The following PTPRD variants were observed in gnomAD, a reference collection of about 807,000 sequenced individuals.
PTPRD encodes protein tyrosine phosphatase receptor type D, also known as receptor-type tyrosine-protein phosphatase delta.
PTPRD carries 34 observed loss-of-function variants against 214.5 expected under a neutral mutation model. The observed-to-expected ratio is 0.16, with a 90% CI of 0.12 to 0.21. The LOEUF is 0.21. PTPRD is among the 10% of genes least tolerant of loss of function. The probability of loss-of-function intolerance (pLI) is 1.00; values close to 1 mark genes in which losing one functional copy is unlikely to be tolerated. For synonymous variants in PTPRD, 1,128 were observed against 845.7 expected, an observed-to-expected ratio of 1.33 and a Z score of -5.79; for missense variants, 2,545 against 2,398.7, an observed-to-expected ratio of 1.06 and a Z score of -1.27.
At chr9:9,400,706 A>G (rs1424150799) in intron 8 of PTPRD, among the ~76,000 whole-genome samples, 1 of 152,032 alleles carries the variant, frequency 6.6e-6, no homozygotes, top group African/African-American at 2.4e-5. Context: ...AAGATACTGT[A>G]AACAATTTTG....
chr9:9,546,461 G>A (rs905397553), intron 8 of PTPRD, among the ~76,000 whole-genome samples: 4 of 151,220 alleles, frequency 2.6e-5, no homozygotes, highest in Non-Finnish European at 5.9e-5. Flanking sequence ...TCTAATTAAT[G>A]CCATTATTTG....
chr9:8,717,428 C>T (rs996285528), intron 12 of PTPRD, among the ~76,000 whole-genome samples: 2 of 152,042 alleles, frequency 1.3e-5, no homozygotes, highest in African/African-American at 2.4e-5. Context: ...CTTTGGTATC[C>T]CATATTCAAA....
chr9:10,421,071 T>G (rs1178882197), intron 2 of PTPRD, among the ~76,000 whole-genome samples: 1 of 151,784 alleles, frequency 6.6e-6, no homozygotes, highest in Non-Finnish European at 1.5e-5. Context: ...CTGATTAGCT[T>G]AAAAAAAGAA....
At chr9:8,940,126 T>C (rs1429819593) in intron 11 of PTPRD, among the ~76,000 whole-genome samples, 4 of 151,308 alleles carry the variant, frequency 2.6e-5, no homozygotes, top group Admixed American at 2.6e-4. Flanking sequence ...CTGTAGAATG[T>C]CCTATATTTC....
intron 8 of PTPRD, among the ~76,000 whole-genome samples, chr9:9,541,479 T>C (rs1179735013): frequency 4.6e-5 from 7 of 151,918 alleles, no homozygotes; most frequent in African/African-American, 1.2e-4. Context: ...ACAAATATCA[T>C]GTAGAGCAGA....
At chr9:10,467,835 A>G (rs1219558432) in intron 2 of PTPRD, among the ~76,000 whole-genome samples, 1 of 152,146 alleles carries the variant, frequency 6.6e-6, no homozygotes, top group Non-Finnish European at 1.5e-5. Flanking sequence ...TCATCATTCA[A>G]GTAAAAAACA....
At chr9:10,206,510 A>C (rs2099481037) in intron 3 of PTPRD, among the ~76,000 whole-genome samples, 2 of 152,228 alleles carry the variant, frequency 1.3e-5, no homozygotes, top group African/African-American at 2.4e-5. Context: ...AATTAAGACT[A>C]TCTGTTTTTG....
chr9:8,984,762 C>T (rs181665385), intron 11 of PTPRD, among the ~76,000 whole-genome samples: 2 of 152,176 alleles, frequency 1.3e-5, no homozygotes, highest in African/African-American at 4.8e-5. Flanking sequence ...TATGGTGCCA[C>T]TTGGGAAATT....
chr9:9,015,876 A>C (rs1446080050), intron 11 of PTPRD, among the ~76,000 whole-genome samples: 1 of 152,118 alleles, frequency 6.6e-6, no homozygotes, highest in Non-Finnish European at 1.5e-5. Context: ...CCATAAACAG[A>C]AAATCAGGGG....
chr9:9,404,455 G>A (rs1421296227), intron 8 of PTPRD, among the ~76,000 whole-genome samples: 1 of 151,932 alleles, frequency 6.6e-6, no homozygotes, highest in African/African-American at 2.4e-5. Context: ...AGAGTAATGA[G>A]TGAAAAAAAG....
chr9:10,271,860 T>C (rs2094442138), intron 3 of PTPRD, among the ~76,000 whole-genome samples: 1 of 152,060 alleles, frequency 6.6e-6, no homozygotes, highest in African/African-American at 2.4e-5. Context: ...GTTTCTTATA[T>C]CATTGGAATT....
At chr9:9,687,132 C>T (rs1482006813) in intron 7 of PTPRD, among the ~76,000 whole-genome samples, 1 of 113,278 alleles carries the variant, frequency 8.8e-6, no homozygotes, top group East Asian at 2.6e-4. Context: ...GAGCCAAATG[C>T]ATAAACAAAA....
chr9:9,828,998 G>C (rs572629538), intron 5 of PTPRD, among the ~76,000 whole-genome samples: 1 of 151,946 alleles, frequency 6.6e-6, no homozygotes, highest in Admixed American at 6.6e-5. Context: ...TAATACATCT[G>C]AAATGAGTTG....
chr9:9,547,903 GA>G (rs200461149), intron 8 of PTPRD, among the ~76,000 whole-genome samples: 2 of 150,676 alleles, frequency 1.3e-5, no homozygotes, highest in Non-Finnish European at 3.0e-5. Context: ...AGAAGCTCAA[GA>G]AAAAAAGGCT....
At chr9:9,456,136 T>C (rs2092966633) in intron 8 of PTPRD, among the ~76,000 whole-genome samples, 1 of 151,824 alleles carries the variant, frequency 6.6e-6, no homozygotes, top group African/African-American at 2.4e-5. Flanking sequence ...ATCCAACACA[T>C]AGAATATAAT....
chr9:8,582,294 G>A (rs764064286), intron 14 of PTPRD, among the ~76,000 whole-genome samples: 11 of 152,134 alleles, frequency 7.2e-5, no homozygotes, highest in Middle Eastern at 3.2e-3. Flanking sequence ...AGTTAAAGAC[G>A]TAAATGTGAA....
chr9:8,739,636 C>G (rs1379218983), intron 11 of PTPRD, among the ~76,000 whole-genome samples: 1 of 152,162 alleles, frequency 6.6e-6, no homozygotes, highest in African/African-American at 2.4e-5. Context: ...TAGTCCTTGG[C>G]TTCCCAATAA....
intron 9 of PTPRD, among the ~76,000 whole-genome samples, chr9:9,362,914 TAA>T (rs1460595800): frequency 2.0e-5 from 3 of 151,268 alleles, no homozygotes; most frequent in African/African-American, 2.4e-5. Flanking sequence ...CTTATTGGTG[TAA>T]AGAGTGGTCA....
chr9:9,818,159 G>A (rs1227516510), intron 5 of PTPRD, among the ~76,000 whole-genome samples: 1 of 152,130 alleles, frequency 6.6e-6, no homozygotes, highest in Non-Finnish European at 1.5e-5. Context: ...GAAATAATAT[G>A]TATTTTTAAT....
Sources: allele counts gnomAD v4.1 joint callset (sites outside exome capture counted in the v4.1 genomes callset), GRCh38; gene constraint gnomAD v4.1.1; transcripts MANE v1.5; gene names NCBI Gene and HGNC (gene_info 2026-07-23, HGNC 2026-07-21).